Variants in IL1RAP observed in about 807,000 individuals in gnomAD.
The protein encoded by IL1RAP is interleukin-1 receptor accessory protein.
In IL1RAP, 35 loss-of-function variants were observed where a neutral mutation model predicts 60.7. The ratio of observed to expected loss-of-function variants is 0.58; its 90% CI spans 0.44 to 0.76. The LOEUF is 0.76. IL1RAP is among the 30% of genes least tolerant of loss of function. The pLI is 0.00. For synonymous variants in IL1RAP, 268 were observed against 250.9 expected (o/e 1.07, Z -0.64); for missense variants, 572 against 693.9 (o/e 0.82, Z 1.97).
intron 9 of IL1RAP, among the ~76,000 whole-genome samples, chr3:190,634,711 T>TTTG: frequency 7.0e-6 from 1 of 141,852 alleles, no homozygotes; most frequent in South Asian, 2.2e-4. Flanking sequence ...TGTTGTGTTT[T>TTTG]TTTTTTTGTT....
At chr3:190,655,861 A>T (rs1283789712), downstream of IL1RAP, 5 of 1,485,104 alleles carry the variant, frequency 3.4e-6, no homozygotes, top group African/African-American at 6.9e-5. Flanking sequence ...TTCACTATAC[A>T]TTGTCCTATA....
rs547633321 is a variant in IL1RAP at position 190,527,007 on chromosome 3, T to C, written c.-89+12788T>C. Reference sequence around the variant, plus strand: ...AAGGTGCTGTGTGACCACGCTTTTTTCCTCCATACATCTGACATAGCTAAA... The same window carrying C: ...AAGGTGCTGTGTGACCACGCTTTTTCCCTCCATACATCTGACATAGCTAAA... On this transcript the variant is annotated intron_variant, in intron 1 of 11. Transcript: ENST00000447382. Among the ~76,000 whole-genome samples, 3 of 152,320 alleles carry C rather than the reference T, an allele frequency of 2.0e-5. No homozygotes were observed. In the East Asian group the frequency reaches 5.8e-4, roughly 29 times the overall value.
intron 5 of IL1RAP, among the ~76,000 whole-genome samples, chr3:190,613,832 C>CA (rs79787574): frequency 0.068 from 9,573 of 140,166 alleles, 423 homozygotes; most frequent in East Asian, 0.15. Flanking sequence ...GACTCCATTT[C>CA]AAAAAAAAAA....
At chr3:190,637,565 C>T (rs1433448678) in intron 9 of IL1RAP, among the ~76,000 whole-genome samples, 1 of 152,038 alleles carries the variant, frequency 6.6e-6, no homozygotes, top group East Asian at 1.9e-4. Context: ...ATTTAAGCTC[C>T]TTATCATTAT....
intron 3 of IL1RAP, among the ~76,000 whole-genome samples, chr3:190,600,093 TAAG>T (rs948501794): frequency 6.6e-6 from 1 of 152,184 alleles, no homozygotes; most frequent in Non-Finnish European, 1.5e-5. Context: ...TGCTCAGATT[TAAG>T]AAGAAGTGAT....
At chr3:190,558,798 A>G (rs1725648561) in intron 2 of IL1RAP, among the ~76,000 whole-genome samples, 1 of 152,212 alleles carries the variant, frequency 6.6e-6, no homozygotes, top group African/African-American at 2.4e-5. Flanking sequence ...ATCTTGGAGA[A>G]AATTGACTTC....
intron 2 of IL1RAP, among the ~76,000 whole-genome samples, chr3:190,557,104 C>T (rs987024786): frequency 6.6e-6 from 1 of 152,160 alleles, no homozygotes; most frequent in Non-Finnish European, 1.5e-5. Flanking sequence ...TTGAATTAAC[C>T]ATCAAGACAG....
intron 3 of IL1RAP, among the ~76,000 whole-genome samples, chr3:190,566,743 AAG>A: frequency 6.6e-6 from 1 of 152,304 alleles, no homozygotes; most frequent in Middle Eastern, 3.4e-3. Context: ...GAGGAACAAA[AAG>A]GACATGTTGT....
At chr3:190,533,717 G>A (rs556549006) in intron 1 of IL1RAP, among the ~76,000 whole-genome samples, 2 of 152,142 alleles carry the variant, frequency 1.3e-5, no homozygotes, top group African/African-American at 4.8e-5. Context: ...CCCACTGGCT[G>A]CCAGCTCTGG....
At chr3:190,557,508 G>A (rs1166922375) in intron 2 of IL1RAP, among the ~76,000 whole-genome samples, 1 of 152,156 alleles carries the variant, frequency 6.6e-6, no homozygotes, top group East Asian at 1.9e-4. Context: ...GTGTGCTAAT[G>A]TTTTCTTATG....
At position 190,542,424 on chromosome 3, in the gene IL1RAP, A is replaced by G. The variant is rs1282843119; in HGVS notation, c.-88-13706A>G. Among the ~76,000 whole-genome samples the G allele has an allele frequency of 3.3e-5, 5 of 152,148 alleles. No individual in the cohort carries two copies. The East Asian group carries it at 9.6e-4, about 29-fold the overall frequency. On this transcript the variant is annotated intron_variant, in intron 1 of 11. Transcript: ENST00000447382. ...GACAGGAAAATTATATTCCTTTTTG[A>G]GTAAGTTGTGTGAATATGAAGTAAA...
chr3:190,583,173 A>G (rs922098922), intron 3 of IL1RAP, among the ~76,000 whole-genome samples: 2 of 152,196 alleles, frequency 1.3e-5, no homozygotes, highest in African/African-American at 2.4e-5. Context: ...TATTTATTTA[A>G]CTACTTAATT....
chr3:190,522,161 G>A (rs1210405296), intron 1 of IL1RAP, among the ~76,000 whole-genome samples: 4 of 152,096 alleles, frequency 2.6e-5, no homozygotes, highest in Non-Finnish European at 5.9e-5. Context: ...AATGAATAGA[G>A]TAGATCGTAA....
At chr3:190,551,728 A>G (rs1017188661) in intron 1 of IL1RAP, among the ~76,000 whole-genome samples, 2 of 152,234 alleles carry the variant, frequency 1.3e-5, no homozygotes, top group African/African-American at 4.8e-5. Flanking sequence ...TCAAAGTTCT[A>G]TAGCTCATTA....
intron 1 of IL1RAP, among the ~76,000 whole-genome samples, chr3:190,523,099 C>A (rs548965475): frequency 1.1e-4 from 17 of 152,138 alleles, no homozygotes; most frequent in Non-Finnish European, 2.2e-4. Flanking sequence ...GTTTAACTTA[C>A]ATTTTATTTC....
chr3:190,531,309 T>G (rs984743187), intron 1 of IL1RAP, among the ~76,000 whole-genome samples: 9 of 152,322 alleles, frequency 5.9e-5, no homozygotes, highest in African/African-American at 1.9e-4. Flanking sequence ...ATTCTCACTT[T>G]AAAGATCTCT....
Position 190,658,620 on chromosome 3 carries a change from C to T in IL1RAP, c.*2013C>T, listed in dbSNP as rs182130601. On this transcript the variant is annotated 3_prime_UTR_variant, in exon 12 of 12. Coordinates refer to the IL1RAP transcript ENST00000317757. ...AGACCACACCTTACATGAGAAGTCA[C>T]CTTTAATACATTAGCTGTGGCTGTT... 251 of 152,298 alleles carry T rather than the reference C, an allele frequency of 1.6e-3. 1 individual carries two copies. The highest frequency in any genetic ancestry group is 5.4e-3 in the African/African-American group (224 of 41,560). The allele number at this position is 152,298 out of a possible 1,614,324, so 9.4% of individuals were successfully genotyped here.
rs1734359871 is a variant in IL1RAP, at chr3:190,651,001, T to C, written c.*2296T>C. 1 of 985,102 alleles carries C rather than the reference T, an allele frequency of 1.0e-6. No homozygotes were observed. Among genetic ancestry groups the C allele is most frequent in the Admixed American group, 6.2e-5 (1 of 16,256 alleles). The allele number at this position is 985,102 out of a possible 1,614,324, so 61.0% of individuals were successfully genotyped here. A position where few individuals can be genotyped will look rare whatever the true frequency, so the allele number is the denominator to read the frequency against. On this transcript the variant is annotated 3_prime_UTR_variant, in exon 12 of 12. Transcript: ENST00000447382. ...TATGCCTGCCTTTGGTACTTAATTT[T>C]ACAAATGCTGTAATATAAAGCATAT...
At position 190,651,356 on chromosome 3, in the gene IL1RAP, C is replaced by CA; in HGVS notation, c.*2656dup. The CA allele has an allele frequency of 1.1e-6, 1 of 871,208 alleles. No individual in the cohort carries two copies. Among genetic ancestry groups the CA allele is most frequent in the Non-Finnish European group, 1.4e-6 (1 of 725,970 alleles). The allele number at this position is 871,208 out of a possible 1,614,324, so 54.0% of individuals were successfully genotyped here. On this transcript the variant is annotated 3_prime_UTR_variant, in exon 12 of 12. Coordinates refer to ENST00000447382, the MANE Select transcript of IL1RAP (RefSeq NM_002182.4). The stretch of plus-strand genomic sequence containing the variant: ...AAAATCACTTCATTGTATTTGGAAA[C>CA]AAAAACATCATTCATTAATTACTTA...
Sources: allele counts gnomAD v4.1 joint callset (sites outside exome capture counted in the v4.1 genomes callset), GRCh38; gene constraint gnomAD v4.1.1; transcripts MANE v1.5; gene names NCBI Gene and HGNC (gene_info 2026-07-23, HGNC 2026-07-21).